Variants in BRINP1 observed in about 807,000 individuals in gnomAD.
BRINP1 encodes BMP/retinoic acid inducible neural specific 1, also known as BMP/retinoic acid-inducible neural-specific protein 1.
In BRINP1, 17 loss-of-function variants were observed where a neutral mutation model predicts 72.9. That is an observed-to-expected ratio of 0.23 (90% confidence interval 0.16 to 0.35). The LOEUF (loss-of-function observed/expected upper bound fraction) is 0.35. BRINP1 is among the 10% of genes least tolerant of loss of function. The probability of loss-of-function intolerance (pLI) is 1.00; values close to 1 mark genes in which losing one functional copy is unlikely to be tolerated. For missense variants in BRINP1, 850 were observed against 1,001.6 expected (o/e 0.85, Z 2.04); for synonymous variants, 418 against 378.5 (o/e 1.10, Z -1.21).
intron 7 of BRINP1, among the ~76,000 whole-genome samples, chr9:119,189,173 T>C (rs536202685): frequency 6.6e-6 from 1 of 151,818 alleles, no homozygotes; most frequent in African/African-American, 2.4e-5. Flanking sequence ...AAAAAAATAT[T>C]ACAGAGATAC....
chr9:119,324,808 A>G (rs1831222641), intron 1 of BRINP1, among the ~76,000 whole-genome samples: 2 of 152,134 alleles, frequency 1.3e-5, no homozygotes, highest in African/African-American at 2.4e-5. Context: ...ATTCTAGAAA[A>G]CCTTGGAATG....
intron 1 of BRINP1, among the ~76,000 whole-genome samples, chr9:119,359,662 A>G (rs1831608880): frequency 6.6e-6 from 1 of 152,224 alleles, no homozygotes; most frequent in South Asian, 2.1e-4. Flanking sequence ...GTCAGAAAGA[A>G]GTAGATTCAA....
chr9:119,223,810 G>C (rs905534834), intron 5 of BRINP1, among the ~76,000 whole-genome samples: 2 of 151,964 alleles, frequency 1.3e-5, no homozygotes, highest in Non-Finnish European at 2.9e-5. Context: ...TTTCATCTCA[G>C]TAGTTACAGA....
intron 5 of BRINP1, among the ~76,000 whole-genome samples, chr9:119,215,404 A>C (rs186892199): frequency 6.6e-6 from 1 of 152,324 alleles, no homozygotes; most frequent in African/African-American, 2.4e-5. Context: ...TCATTAGGGC[A>C]CTTTCGCTTA....
At chr9:119,169,368 T>C (rs190105922) in intron 7 of BRINP1, among the ~76,000 whole-genome samples, 12,169 of 152,216 alleles carry the variant, frequency 0.08, 1,478 homozygotes, top group African/African-American at 0.27. Flanking sequence ...AAGGGGTGAC[T>C]GACGGCACCT....
intron 2 of BRINP1, among the ~76,000 whole-genome samples, chr9:119,258,972 C>T (rs1470603090): frequency 6.6e-6 from 1 of 152,200 alleles, no homozygotes; most frequent in African/African-American, 2.4e-5. Flanking sequence ...ATTCTCTACT[C>T]CTCTGCCCAT....
intron 1 of BRINP1, among the ~76,000 whole-genome samples, chr9:119,319,550 A>C (rs1174326327): frequency 3.3e-5 from 5 of 152,208 alleles, no homozygotes; most frequent in African/African-American, 1.2e-4. Flanking sequence ...AGACCATATT[A>C]GCACCAACTG....
At position 119,262,419 on chromosome 9, in the gene BRINP1, G is replaced by A. The variant is rs1588182079; in HGVS notation, c.219-13269C>T. On this transcript the variant is annotated intron_variant, in intron 2 of 7. Transcript: ENST00000265922. ...GAGGTCGAGGCGGGCGGGTCATGAG[G>A]TCAGGAGTTCAAGACCAGCCTGGCC... 2.0e-5 allele frequency among the ~76,000 whole-genome samples: 3 copies of A among 151,794 alleles called. No homozygotes were observed. The South Asian group carries it at 6.2e-4, about 32-fold the overall frequency.
At chr9:119,252,034 CCT>C (rs1290216629) in intron 2 of BRINP1, among the ~76,000 whole-genome samples, 1 of 152,042 alleles carries the variant, frequency 6.6e-6, no homozygotes, top group African/African-American at 2.4e-5. Context: ...CTCTCTGTTC[CCT>C]CTCTGTTTCT....
chr9:119,188,621 A>T (rs927968910), intron 7 of BRINP1, among the ~76,000 whole-genome samples: 1 of 147,830 alleles, frequency 6.8e-6, no homozygotes, highest in African/African-American at 2.4e-5. Flanking sequence ...AAATAATCAT[A>T]AAAAAATACA....
chr9:119,226,463 C>T (rs1192575731), intron 5 of BRINP1, among the ~76,000 whole-genome samples: 1 of 151,968 alleles, frequency 6.6e-6, no homozygotes, highest in Non-Finnish European at 1.5e-5. Flanking sequence ...GGCTACATAC[C>T]AAGAAGTAAC....
At chr9:119,177,640 G>A (rs1357939907) in intron 7 of BRINP1, among the ~76,000 whole-genome samples, 2 of 152,106 alleles carry the variant, frequency 1.3e-5, no homozygotes, top group African/African-American at 2.4e-5. Flanking sequence ...CCCTTTGTAA[G>A]GACCACAGCC....
intron 1 of BRINP1, among the ~76,000 whole-genome samples, chr9:119,344,704 A>C (rs1369844309): frequency 2.0e-5 from 3 of 152,170 alleles, no homozygotes; most frequent in African/African-American, 7.2e-5. Flanking sequence ...CCAGTTTCTG[A>C]CACCACACAT....
chr9:119,339,232 A>G (rs1319275744), intron 1 of BRINP1, among the ~76,000 whole-genome samples: 9 of 152,218 alleles, frequency 5.9e-5, no homozygotes, highest in African/African-American at 1.9e-4. Context: ...GACAATCAAT[A>G]AACAAATGAG....
rs1587976210 is a variant in BRINP1, at chr9:119,368,693, A to G, written c.-51+363T>C. On this transcript the variant is annotated intron_variant, in intron 1 of 7. Coordinates refer to ENST00000265922, the MANE Select transcript of BRINP1 (RefSeq NM_014618.3). The surrounding 1 kb of genome is among the most constrained non-coding windows in gnomAD (Gnocchi z 4.7). Reference sequence around the variant, plus strand: ...TAGGTTATAGGACCTCTCTCTCTTCACCCCTCCCTTACACACACGGACACA... The same window carrying G: ...TAGGTTATAGGACCTCTCTCTCTTCGCCCCTCCCTTACACACACGGACACA... Among the ~76,000 whole-genome samples the G allele has an allele frequency of 6.6e-6, 1 of 151,572 alleles. No homozygotes were observed. Among genetic ancestry groups the G allele is most frequent in the Non-Finnish European group, 1.5e-5 (1 of 67,888 alleles).
chr9:119,207,280 T>C (rs1457074248), intron 7 of BRINP1, among the ~76,000 whole-genome samples: 1 of 152,232 alleles, frequency 6.6e-6, no homozygotes, highest in Non-Finnish European at 1.5e-5. Flanking sequence ...ACTGCCGTTG[T>C]TAAATGTTGA....
rs143634507 is a variant in BRINP1, at chr9:119,253,520, C to T, written c.219-4370G>A. On this transcript the variant is annotated intron_variant, in intron 2 of 7. Coordinates refer to ENST00000265922, the MANE Select transcript of BRINP1 (RefSeq NM_014618.3). ...AGTCCAAGCACAGAAAGACAAATATCACACATCCCATTCATTTGTGGGAGA... is the reference window on the plus strand; with the variant it reads ...AGTCCAAGCACAGAAAGACAAATATTACACATCCCATTCATTTGTGGGAGA... 4.4e-3 allele frequency among the ~76,000 whole-genome samples: 671 copies of T among 152,236 alleles called. 1 individual carries two copies. Among genetic ancestry groups the T allele is most frequent in the Non-Finnish European group, 7.0e-3 (477 of 68,014 alleles).
intron 7 of BRINP1, among the ~76,000 whole-genome samples, chr9:119,177,054 T>A (rs1829497748): frequency 6.6e-6 from 1 of 152,188 alleles, no homozygotes; most frequent in South Asian, 2.1e-4. Context: ...GAGAGGTCCC[T>A]TCTTCTCCGA....
chr9:119,334,398 T>C (rs1456991849), intron 1 of BRINP1, among the ~76,000 whole-genome samples: 6 of 152,130 alleles, frequency 3.9e-5, no homozygotes, highest in South Asian at 4.1e-4. Flanking sequence ...AAACTGAGAA[T>C]TGAAGTAGTG....
Sources: gnomAD v4.1 joint callset for allele counts (sites outside exome capture counted in the v4.1 genomes callset) on GRCh38, gnomAD v4.1.1 for gene constraint, Gnocchi (gnomAD v3.1) non-coding constraint, MANE v1.5 for transcripts, NCBI Gene and HGNC (gene_info 2026-07-23, HGNC 2026-07-21) for gene names.